The following MCTP1 variants were observed in gnomAD, a reference collection of about 807,000 sequenced individuals.
MCTP1 encodes multiple C2 and transmembrane domain-containing protein 1.
In MCTP1, 69 loss-of-function variants were observed where a neutral mutation model predicts 120.6. The ratio of observed to expected loss-of-function variants is 0.57; its 90% CI spans 0.47 to 0.70. The LOEUF (loss-of-function observed/expected upper bound fraction) is 0.70. MCTP1 is among the 30% of genes least tolerant of loss of function. The probability of loss-of-function intolerance (pLI) is 0.00; values close to 1 mark genes in which losing one functional copy is unlikely to be tolerated. For synonymous variants in MCTP1, 529 were observed against 493.1 expected (o/e 1.07, Z -0.96); for missense variants, 1,203 against 1,248.8 (o/e 0.96, Z 0.55).
chr5:94,912,466 A>AAAAAAAAAAAAAAAAAAAAAAAAAAAAG (rs1211529200), intron 9 of MCTP1, among the ~76,000 whole-genome samples: 3 of 92,096 alleles, frequency 3.3e-5, no homozygotes, highest in South Asian at 3.8e-4. Flanking sequence ...AAAAAAAAAA[A>AAAAAAAAAAAAAAAAAAAAAAAAAAAAG]GCCGCACTCT....
intron 19 of MCTP1, among the ~76,000 whole-genome samples, chr5:94,756,858 C>G (rs972147546): frequency 6.6e-6 from 1 of 152,038 alleles, no homozygotes; most frequent in Non-Finnish European, 1.5e-5. Context: ...TATTAAAGTA[C>G]TCAGTTCTGA....
chr5:95,058,106 C>T (rs1333259430), intron 1 of MCTP1, among the ~76,000 whole-genome samples: 6 of 152,198 alleles, frequency 3.9e-5, no homozygotes, highest in East Asian at 1.9e-4. Context: ...AGCCTTATTG[C>T]TATTCATATT....
rs78071273 is a variant in MCTP1 at position 95,274,422 on chromosome 5, A to G, written c.720+9434T>C. Among the ~76,000 whole-genome samples the G allele has an allele frequency of 2.6e-5, 4 of 152,232 alleles. No homozygotes were observed. The East Asian group carries it at 7.7e-4, about 29-fold the overall frequency. ...GCTTCTTCTGGCTAAAGGCTAAGGG[A>G]GACCTCCCTCCCATGGCCTGTGGGA... On this transcript the variant is annotated intron_variant, in intron 1 of 22. Transcript: ENST00000515393.
chr5:94,848,028 G>A (rs180717264), intron 17 of MCTP1, among the ~76,000 whole-genome samples: 2 of 151,928 alleles, frequency 1.3e-5, no homozygotes, highest in African/African-American at 4.8e-5. Flanking sequence ...TTGGGGAGGG[G>A]GTGGTGAGCA....
chr5:94,835,488 C>G (rs1258802165), intron 17 of MCTP1, among the ~76,000 whole-genome samples: 1 of 152,148 alleles, frequency 6.6e-6, no homozygotes, highest in African/African-American at 2.4e-5. Flanking sequence ...TGGCAAGTGA[C>G]TTAACGTCTC....
At chr5:95,052,483 G>A (rs1055705712) in intron 1 of MCTP1, among the ~76,000 whole-genome samples, 5 of 152,098 alleles carry the variant, frequency 3.3e-5, no homozygotes, top group Non-Finnish European at 7.4e-5. Flanking sequence ...ATTTCCTAGG[G>A]ATGTAAGGCT....
intron 1 of MCTP1, among the ~76,000 whole-genome samples, chr5:95,245,454 A>G (rs1756653076): frequency 6.6e-6 from 1 of 152,218 alleles, no homozygotes; most frequent in Admixed American, 6.5e-5. Context: ...ATGGCTAACT[A>G]GAATAAACAG....
intron 19 of MCTP1, among the ~76,000 whole-genome samples, chr5:94,737,504 A>G (rs1336142485): frequency 1.3e-5 from 2 of 152,218 alleles, no homozygotes; most frequent in Non-Finnish European, 2.9e-5. Flanking sequence ...TGAGTACTGA[A>G]TAGAAAAAAT....
At chr5:95,025,215 T>C (rs974976554) in intron 1 of MCTP1, among the ~76,000 whole-genome samples, 1 of 152,182 alleles carries the variant, frequency 6.6e-6, no homozygotes, top group South Asian at 2.1e-4. Flanking sequence ...GACATAAAAA[T>C]AGACATACTA....
At chr5:94,748,106 A>C (rs1454718616) in intron 19 of MCTP1, among the ~76,000 whole-genome samples, 1 of 152,190 alleles carries the variant, frequency 6.6e-6, no homozygotes, top group Non-Finnish European at 1.5e-5. Context: ...AGAAACCATA[A>C]GGAAGTTTTG....
At chr5:94,949,035 G>C (rs969572484) in intron 3 of MCTP1, among the ~76,000 whole-genome samples, 1 of 152,098 alleles carries the variant, frequency 6.6e-6, no homozygotes, top group Non-Finnish European at 1.5e-5. Context: ...CTTAGAAACA[G>C]TCATGTGGTC....
intron 19 of MCTP1, among the ~76,000 whole-genome samples, chr5:94,733,665 C>T (rs971679841): frequency 3.6e-4 from 54 of 151,734 alleles, no homozygotes; most frequent in Admixed American, 3.2e-3. Flanking sequence ...TCTAATGTTA[C>T]AGAAAATACC....
intron 19 of MCTP1, among the ~76,000 whole-genome samples, chr5:94,753,431 C>T (rs772390380): frequency 1.1e-4 from 17 of 152,190 alleles, no homozygotes; most frequent in South Asian, 2.1e-4. Flanking sequence ...GAATGGGTTG[C>T]GCATTTTCAT....
At chr5:94,935,928 T>C (rs1816080229) in intron 5 of MCTP1, among the ~76,000 whole-genome samples, 1 of 152,080 alleles carries the variant, frequency 6.6e-6, no homozygotes, top group South Asian at 2.1e-4. Flanking sequence ...GTATGCTATG[T>C]TTTTTAGATA....
chr5:95,107,799 T>C (rs954733612), intron 1 of MCTP1, among the ~76,000 whole-genome samples: 2 of 152,206 alleles, frequency 1.3e-5, no homozygotes, highest in Non-Finnish European at 2.9e-5. Context: ...TTTCCTTTAG[T>C]TGGGATAAAG....
chr5:94,981,883 C>T (rs1024773340), intron 2 of MCTP1, among the ~76,000 whole-genome samples: 4 of 152,146 alleles, frequency 2.6e-5, no homozygotes, highest in African/African-American at 9.6e-5. Context: ...TCTGTAGGCC[C>T]TTAGAAAGGG....
At chr5:95,046,324 T>C (rs965294086) in intron 1 of MCTP1, among the ~76,000 whole-genome samples, 5 of 152,190 alleles carry the variant, frequency 3.3e-5, no homozygotes, top group African/African-American at 1.2e-4. Flanking sequence ...TATGGTCAAC[T>C]AAATGAATGT....
intron 1 of MCTP1, among the ~76,000 whole-genome samples, chr5:95,199,205 T>G (rs989800206): frequency 1.3e-5 from 2 of 152,202 alleles, no homozygotes; most frequent in Admixed American, 1.3e-4. Context: ...TATTTTAGTA[T>G]TTTGCTAAAA....
chr5:95,193,377 T>A (rs1467502646), intron 1 of MCTP1, among the ~76,000 whole-genome samples: 1 of 152,230 alleles, frequency 6.6e-6, no homozygotes, highest in African/African-American at 2.4e-5. Flanking sequence ...ATTTACAACA[T>A]ACTTTCATTT....
Sources: allele counts gnomAD v4.1 joint callset (sites outside exome capture counted in the v4.1 genomes callset), GRCh38; gene constraint gnomAD v4.1.1; transcripts MANE v1.5; gene names NCBI Gene and HGNC (gene_info 2026-07-23, HGNC 2026-07-21).